WDR90: variants seen among roughly 807,000 people sequenced by gnomAD.
The protein encoded by WDR90 is WD repeat domain 90, also known as WD repeat-containing protein 90.
A neutral mutation model predicts 195.2 loss-of-function variants in WDR90; 238 were observed. The observed-to-expected ratio is 1.22, with a 90% CI of 1.10 to 1.36. The LOEUF (loss-of-function observed/expected upper bound fraction) is 1.36. WDR90 is among the 40% of genes most tolerant of loss of function. The probability of loss-of-function intolerance (pLI) is 0.00; values close to 1 mark genes in which losing one functional copy is unlikely to be tolerated. For missense variants in WDR90, 2,734 were observed against 2,439.5 expected (o/e 1.12, Z -2.54); for synonymous variants, 1,265 against 1,052.4 (o/e 1.20, Z -3.91).
At chr16:666,821 G>A (rs748957491) in intron 39 of WDR90, 29 bp downstream of exon 39, 1 of 1,612,696 alleles carries the variant, frequency 6.2e-7, no homozygotes, top group African/African-American at 1.3e-5. Context: ...GTGTCACTGG[G>A]AGCCCCAGGG....
In WDR90 at chr16:661,106, C is replaced by T. The variant is rs762532258; in HGVS notation, c.3447C>T (p.Gly1149=). Reference sequence around the variant, plus strand: ...TGGTGGTGGAGGACCTGCACTCTGGCGCCCAGCAGCACTGGTCCGGCCACT... The same window carrying T: ...TGGTGGTGGAGGACCTGCACTCTGGTGCCCAGCAGCACTGGTCCGGCCACT... ...RLVVVEDLHS[G]AQQHWSGHSA... is the part of the protein sequence containing the mutation. Residue 1149 remains glycine (G), a synonymous_variant, in exon 29 of 41, where the codon GGC becomes GGT. Transcript: ENST00000293879. 14 of 1,563,304 alleles carry T rather than the reference C, an allele frequency of 9.0e-6. No individual in the cohort carries two copies. Among genetic ancestry groups the T allele is most frequent in the East Asian group, 2.4e-5 (1 of 42,214 alleles).
At chr16:658,818 CACCGT>C (rs1421443441) in intron 23 of WDR90, 73 bp from the exon 24 acceptor site, 35 of 1,581,190 alleles carry the variant, frequency 2.2e-5, no homozygotes, top group Admixed American at 1.5e-4. Flanking sequence ...GTGTGGGGCT[CACCGT>C]CCCTGGGGAC....
intron 18 of WDR90, 64 bp from the exon 19 acceptor site, chr16:656,667 CG>C: frequency 6.3e-7 from 1 of 1,577,396 alleles, no homozygotes. Context: ...GGGTTTGGGC[CG>C]CCTGGAGAGC....
intron 33 of WDR90, 55 bp downstream of exon 33, chr16:662,386 C>T: frequency 1.3e-6 from 2 of 1,530,350 alleles, no homozygotes; most frequent in Non-Finnish European, 8.8e-7. Flanking sequence ...GTGTCCCTGA[C>T]TGGGGCTTGC....
chr16:665,919 G>A, intron 35 of WDR90, 31 bp from the exon 36 acceptor site: 1 of 1,567,834 alleles, frequency 6.4e-7, no homozygotes, highest in African/African-American at 1.3e-5. Flanking sequence ...GCCCCTGTGA[G>A]TGCTGAAGTT....
In WDR90 at chr16:660,537, G is replaced by T. The variant is rs1473930412; in HGVS notation, c.3289-75G>T. 4 of 1,452,764 alleles carry T rather than the reference G, an allele frequency of 2.8e-6. No homozygotes were observed. The South Asian group carries it at 4.9e-5, about 18-fold the overall frequency. 90.0% of individuals were successfully genotyped at this position (1,452,764 alleles called of 1,614,324 possible). The stretch of plus-strand genomic sequence containing the variant: ...GCTGGCCTGGGTGTGCCCCAACACA[G>T]CCTCCCATGTGCAGGCTTTGGGGCA... On this transcript the variant is annotated intron_variant, in intron 27 of 40. Coordinates refer to ENST00000293879, the MANE Select transcript of WDR90 (RefSeq NM_145294.5).
chr16:650,084 G>A lies in WDR90; in HGVS notation c.196G>A (p.Gly66Arg). 1.2e-6 allele frequency: 2 copies of A among 1,613,052 alleles called. No homozygotes were observed. The highest frequency in any genetic ancestry group is 1.7e-6 in the Non-Finnish European group (2 of 1,179,972). ...QLPKSSTQSL[G>R]LTGRYLYVLF... ...CCCTAAGAGCAGCACCCAGTCTCTG[G>A]GGCTGACGGGACGATACCTGTATGT... is the stretch of plus-strand genomic sequence containing the variant. The change falls in exon 3 of 41, where the codon GGG becomes AGG. Residue 66 changes from glycine to arginine, a missense_variant. Coordinates refer to ENST00000293879, the MANE Select transcript of WDR90 (RefSeq NM_145294.5).
intron 28 of WDR90, 47 bp from the exon 29 acceptor site, chr16:661,004 C>CCCT: frequency 1.1e-5 from 1 of 87,634 alleles, no homozygotes; most frequent in Non-Finnish European, 1.7e-5. Context: ...CTCCCCGCCC[C>CCCT]CCCCCCCCCC....
In WDR90 at chr16:661,142, C is replaced by A; in HGVS notation, c.3483C>A (p.Ile1161=). 6.4e-7 allele frequency: 1 copy of A among 1,560,280 alleles called. No homozygotes were observed. Among genetic ancestry groups the A allele is most frequent in the Non-Finnish European group, 8.6e-7 (1 of 1,159,666 alleles). Residue 1161 remains isoleucine, a synonymous_variant, in exon 29 of 41, where the codon ATC becomes ATA. Coordinates refer to ENST00000293879, the MANE Select transcript of WDR90 (RefSeq NM_145294.5). The part of the protein sequence containing the change: ...QQHWSGHSAE[I]STLALSHSAQ... ...ACTGGTCCGGCCACTCTGCGGAGATCTCCACGCTGGCCCTCAGCCACAGTG... is the reference window on the plus strand; with the variant it reads ...ACTGGTCCGGCCACTCTGCGGAGATATCCACGCTGGCCCTCAGCCACAGTG...
intron 21 of WDR90, 95 bp downstream of exon 21, chr16:657,987 C>CCAGGCA: frequency 6.8e-7 from 1 of 1,462,532 alleles, no homozygotes; most frequent in Non-Finnish European, 9.1e-7. Flanking sequence ...GGAGCAGGAC[C>CCAGGCA]CAGGCCCTGT....
At chr16:650,383 G>C in intron 4 of WDR90, 21 bp downstream of exon 4, 1 of 1,608,058 alleles carries the variant, frequency 6.2e-7, no homozygotes, top group East Asian at 2.2e-5. Context: ...GATGGGGTGT[G>C]GATGATCCAG....
At position 656,262 on chromosome 16, in the gene WDR90, G is replaced by A. The variant is rs758586062; in HGVS notation, c.1967-40G>A. 1.1e-5 allele frequency: 17 copies of A among 1,567,406 alleles called. 1 individual carries two copies. Among genetic ancestry groups the A allele is most frequent in the Admixed American group, 5.1e-5 (3 of 59,024 alleles). ...GAAGCCTGAGCATGCGGCTCACCCC[G>A]GGGTGGCCCTGGAGGCCCCTGACCC... is the stretch of plus-strand genomic sequence containing the variant. On this transcript the variant is annotated intron_variant, in intron 17 of 40. Transcript: ENST00000293879.
rs147330697 is a variant in WDR90 at position 651,217 on chromosome 16, G to C, written c.687G>C (p.Leu229Phe). ...TGCCAAGGTTTCCAAGTGAGAGCTT[G>C]AAAGTGCCTTCCAAGCCGATTGAGA... ...YIHVRFPSES[L>F]KVPSKPIEKS... is the part of the protein sequence containing the mutation. Residue 229 changes from leucine to phenylalanine, a missense_variant, in exon 7 of 41, where the codon TTG (leucine) becomes TTC (phenylalanine). Transcript: ENST00000293879. 8 of 1,613,176 alleles carry C rather than the reference G, an allele frequency of 5.0e-6. No individual in the cohort carries two copies. The highest frequency in any genetic ancestry group is 5.9e-6 in the Non-Finnish European group (7 of 1,179,986).
At position 658,896 on chromosome 16, in the gene WDR90, G is replaced by T. The variant is rs765429400; in HGVS notation, c.2896G>T (p.Val966Leu). The change falls in exon 24 of 41, where the codon GTG becomes TTG. Residue 966 changes from valine to leucine, a missense_variant and splice_region_variant. By Grantham distance (32) the Val-to-Leu change is conservative. Coordinates refer to ENST00000293879, the MANE Select transcript of WDR90 (RefSeq NM_145294.5). ...CTGCATGTGACGCCGCTACCCCTAGGTGTACATCGGCCACTCGGAACCCGT... is the reference window on the plus strand; with the variant it reads ...CTGCATGTGACGCCGCTACCCCTAGTTGTACATCGGCCACTCGGAACCCGT... ...YATQASPGPQ[V>L]YIGHSEPVQA... is the part of the protein sequence containing the mutation. The T allele has an allele frequency of 5.6e-6, 9 of 1,611,702 alleles. No homozygotes were observed. The highest frequency in any genetic ancestry group is 7.6e-6 in the Non-Finnish European group (9 of 1,179,962).
At position 652,457 on chromosome 16, in the gene WDR90, G is replaced by T. The variant is rs1397196365; in HGVS notation, c.1054-10G>T. 6.3e-7 allele frequency: 1 copy of T among 1,598,338 alleles called. No homozygotes were observed. The highest frequency in any genetic ancestry group is 8.5e-7 in the Non-Finnish European group (1 of 1,171,318). On this transcript the variant is annotated splice_polypyrimidine_tract_variant and intron_variant, in intron 9 of 40. Coordinates refer to ENST00000293879, the MANE Select transcript of WDR90 (RefSeq NM_145294.5). ...GCCTCCCAGGACTTTGATGCGAATG[G>T]CTGTTTCAGGGCTTCCTCCCAGACC... is the stretch of plus-strand genomic sequence containing the variant.
chr16:657,711 G>A (rs926849558), intron 20 of WDR90, 51 bp from the exon 21 acceptor site: 73 of 1,484,818 alleles, frequency 4.9e-5, no homozygotes, highest in East Asian at 3.3e-4. Flanking sequence ...CCCTGGCCAC[G>A]CGCACCCCGG....
At chr16:651,569 C>T (rs2037646933) in intron 7 of WDR90, 75 bp from the exon 8 acceptor site, 4 of 1,451,060 alleles carry the variant, frequency 2.8e-6, no homozygotes, top group South Asian at 1.2e-5. Context: ...TGCTGCTGCC[C>T]TCCCCAGGCG....
chr16:664,162 T>C (rs1055121279), intron 34 of WDR90, among the ~76,000 whole-genome samples: 2 of 102,276 alleles, frequency 2.0e-5, no homozygotes, highest in African/African-American at 1.3e-4. Context: ...TTTTGGCATA[T>C]TCAGCAGCTT....
At chr16:665,238 ACGC>A (rs2037997333) in intron 34 of WDR90, 1 of 341,084 alleles carries the variant, frequency 2.9e-6, no homozygotes, top group African/African-American at 2.2e-5. Context: ...CCTGCTAGGG[ACGC>A]ACGGCCACAC....
Sources: gnomAD v4.1 joint callset for allele counts (sites outside exome capture counted in the v4.1 genomes callset) on GRCh38, gnomAD v4.1.1 for gene constraint, MANE v1.5 for transcripts, NCBI Gene and HGNC (gene_info 2026-07-23, HGNC 2026-07-21) for gene names.